Variants in RFX2 observed in about 807,000 individuals in gnomAD.
RFX2 encodes the protein regulatory factor X2, also known as DNA-binding protein RFX2.
A neutral mutation model predicts 87.8 loss-of-function variants in RFX2; 20 were observed. The observed-to-expected ratio is 0.23, with a 90% CI of 0.16 to 0.33. The LOEUF (loss-of-function observed/expected upper bound fraction) is 0.33. Ranked by LOEUF, RFX2 falls within the 10% of genes least tolerant of loss-of-function variation. RFX2 has a pLI of 1.00. For synonymous variants in RFX2, 397 were observed against 431.3 expected, an observed-to-expected ratio of 0.92 and a Z score of 0.98; for missense variants, 767 against 1,012.3, an observed-to-expected ratio of 0.76 and a Z score of 3.29.
chr19:6,062,869 G>A (rs2087457180), intron 1 of RFX2, among the ~76,000 whole-genome samples: 1 of 152,190 alleles, frequency 6.6e-6, no homozygotes. Flanking sequence ...GCAGTTCCCT[G>A]TGCGTTTAAA....
At chr19:6,087,474 G>A (rs1293304042) in intron 1 of RFX2, among the ~76,000 whole-genome samples, 2 of 152,174 alleles carry the variant, frequency 1.3e-5, no homozygotes, top group African/African-American at 2.4e-5. Flanking sequence ...GGGACTTAGA[G>A]AGAAGTGCAG....
intron 5 of RFX2, among the ~76,000 whole-genome samples, chr19:6,035,851 GT>G (rs797010077): frequency 6.0e-4 from 50 of 84,024 alleles, no homozygotes; most frequent in African/African-American, 2.4e-3. Flanking sequence ...TTGGTGGGGG[GT>G]GTGTGTGTGT....
chr19:6,006,717 T>A (rs2086587165), intron 12 of RFX2, among the ~76,000 whole-genome samples: 1 of 151,686 alleles, frequency 6.6e-6, no homozygotes, highest in Non-Finnish European at 1.5e-5. Context: ...CCCAAAGTGC[T>A]GGGATTACAG....
intron 1 of RFX2, among the ~76,000 whole-genome samples, chr19:6,093,428 T>TG (rs1279740512): frequency 6.6e-6 from 1 of 151,976 alleles, no homozygotes; most frequent in Non-Finnish European, 1.5e-5. Flanking sequence ...CCAGCTACTC[T>TG]GGAGGCTGAG....
rs2086859766 is a variant in RFX2, at chr19:6,024,496, G to GGA, written c.597+1665_597+1666dup. 6.6e-6 allele frequency among the ~76,000 whole-genome samples: 1 copy of GGA among 152,210 alleles called. No individual in the cohort carries two copies. The highest frequency in any genetic ancestry group is 2.4e-5 in the African/African-American group (1 of 41,452). On this transcript the variant is annotated intron_variant, in intron 6 of 17. Coordinates refer to ENST00000303657, the MANE Select transcript of RFX2 (RefSeq NM_000635.4). This position sits in a 1 kb window ranked among gnomAD's most constrained non-coding sequence, Gnocchi z 5.0. Reference sequence around the variant, plus strand: ...TTTTGCTTCAAGACAATCGGCAGAAGGAAATATTTCTGCCATTTCTTCTAG... The same window carrying GGA: ...TTTTGCTTCAAGACAATCGGCAGAAGGAGAAATATTTCTGCCATTTCTTCTAG...
intron 17 of RFX2, 109 bp from the exon 18 acceptor site, chr19:5,995,059 G>T: frequency 1.2e-6 from 1 of 836,888 alleles, no homozygotes; most frequent in African/African-American, 1.7e-5. Context: ...GGGCACCGAG[G>T]ATACATGGCA....
In RFX2 at chr19:5,994,948, C is replaced by T; in HGVS notation, c.2059G>A (p.Asp687Asn). The change falls in exon 18 of 18, where the codon GAC (aspartate) becomes AAC (asparagine). Residue 687 changes from aspartate (D) to asparagine (N), a missense_variant and splice_region_variant. Coordinates refer to ENST00000303657, the MANE Select transcript of RFX2 (RefSeq NM_000635.4). Reference sequence around the variant, plus strand: ...CTGCCACGCTGCTCATCGCCCATGTCATCTGCGGAGGGAGGGGTAGGGTCA... The same window carrying T: ...CTGCCACGCTGCTCATCGCCCATGTTATCTGCGGAGGGAGGGGTAGGGTCA... ...SLSLTLLDKDDMGDEQRGSEA... is the reference protein window; with the variant it reads ...SLSLTLLDKDNMGDEQRGSEA... 3 of 1,604,876 alleles carry T rather than the reference C, an allele frequency of 1.9e-6. No individual in the cohort carries two copies. The highest frequency in any genetic ancestry group is 2.5e-6 in the Non-Finnish European group (3 of 1,178,790).
intron 1 of RFX2, among the ~76,000 whole-genome samples, chr19:6,058,157 T>G (rs561171809): frequency 6.6e-6 from 1 of 152,282 alleles, no homozygotes; most frequent in East Asian, 1.9e-4. Flanking sequence ...CTGTGGACAT[T>G]GGGGACGGAT....
At chr19:6,073,036 G>A (rs1352779487) in intron 1 of RFX2, 5 of 496,422 alleles carry the variant, frequency 1.0e-5, no homozygotes, top group Non-Finnish European at 1.8e-5. Context: ...CTGCAGTGCA[G>A]TGGTGCGATC....
chr19:6,095,090 C>A (rs1365258066), intron 1 of RFX2, among the ~76,000 whole-genome samples: 1 of 151,996 alleles, frequency 6.6e-6, no homozygotes. Flanking sequence ...CCAGCCTGGG[C>A]GACAGAGCAA....
intron 1 of RFX2, among the ~76,000 whole-genome samples, chr19:6,057,992 C>A (rs987183522): frequency 6.6e-6 from 1 of 152,194 alleles, no homozygotes; most frequent in Admixed American, 6.5e-5. Flanking sequence ...CATCTCCTTG[C>A]CGAAAAGTGG....
intron 1 of RFX2, among the ~76,000 whole-genome samples, chr19:6,089,500 G>A (rs545299234): frequency 7.9e-5 from 12 of 152,252 alleles, no homozygotes; most frequent in African/African-American, 2.6e-4. Context: ...CCAATATGAC[G>A]GCATCTGGAG....
chr19:6,089,390 A>C (rs990708089), intron 1 of RFX2, among the ~76,000 whole-genome samples: 8 of 152,186 alleles, frequency 5.3e-5, no homozygotes, highest in South Asian at 2.1e-4. Flanking sequence ...GCAATGTCAC[A>C]GGGAAGGGGG....
In RFX2 at chr19:6,016,108, G is replaced by T; in HGVS notation, c.761C>A (p.Thr254Lys). Residue 254 changes from threonine (T) to lysine (K), a missense_variant, in exon 7 of 18, where the codon ACG becomes AAG. By Grantham distance (78) the Thr-to-Lys change is moderately conservative. Around this residue, in one of 2 missense-constraint regions of RFX2, gnomAD observed 621 missense variants for 873.0 expected, o/e 0.71. Coordinates refer to ENST00000303657, the MANE Select transcript of RFX2 (RefSeq NM_000635.4). The surrounding 1 kb of genome is among the most constrained non-coding windows in gnomAD (Gnocchi z 5.4). ...LIRSVFMGLR[T>K]RRLGTRGNSK... is the part of the protein sequence containing the mutation. ...TACCCACCTGGTGCCCAGCCGCCGCGTTCTCAGCCCCATAAACACAGAACG... is the reference window on the plus strand; with the variant it reads ...TACCCACCTGGTGCCCAGCCGCCGCTTTCTCAGCCCCATAAACACAGAACG... The T allele has an allele frequency of 6.2e-7, 1 of 1,608,006 alleles. No individual in the cohort carries two copies.
rs1009328792 is a variant in RFX2 at position 6,063,214 on chromosome 19, C to T, written c.-8-15710G>A. 1.3e-5 allele frequency among the ~76,000 whole-genome samples: 2 copies of T among 152,202 alleles called. No individual in the cohort carries two copies. The highest frequency in any genetic ancestry group is 4.8e-5 in the African/African-American group (2 of 41,444). ...ATGGAGTGTTTAAATGAGATGTCCACACAACCCCCAAGGACCCTCTGATTC... is the reference window on the plus strand; with the variant it reads ...ATGGAGTGTTTAAATGAGATGTCCATACAACCCCCAAGGACCCTCTGATTC... On this transcript the variant is annotated intron_variant, in intron 1 of 17. Transcript: ENST00000303657. This position sits in a 1 kb window ranked among gnomAD's most constrained non-coding sequence, Gnocchi z 4.0.
Position 6,001,776 on chromosome 19 carries a change from C to T in RFX2, c.1859+39G>A. On this transcript the variant is annotated intron_variant, in intron 15 of 17. Coordinates refer to ENST00000303657, the MANE Select transcript of RFX2 (RefSeq NM_000635.4). This position sits in a 1 kb window ranked among gnomAD's most constrained non-coding sequence, Gnocchi z 5.6. ...TCTAGAAGTTTCTCTCAGAGCCCCC[C>T]ACCCGCCAGAATTCTCTCGGAGGTC... 2.0e-6 allele frequency: 3 copies of T among 1,535,010 alleles called. No individual in the cohort carries two copies. The highest frequency in any genetic ancestry group is 2.3e-5 in the East Asian group (1 of 43,962).
rs1446858357 is a variant in RFX2, at chr19:6,010,261, G to A, written c.900-10C>T. 6.5e-7 allele frequency: 1 copy of A among 1,526,724 alleles called. No individual in the cohort carries two copies. The highest frequency in any genetic ancestry group is 1.4e-5 in the African/African-American group (1 of 72,660). The allele number at this position is 1,526,724 out of a possible 1,614,324, so 94.6% of individuals were successfully genotyped here. ...CTGGGCTGGCCGGTACCTAGGCCAG[G>A]AACACGCATACCATCATGAGGCCCA... On this transcript the variant is annotated splice_polypyrimidine_tract_variant and intron_variant, in intron 8 of 17. Transcript: ENST00000303657. This position sits in a 1 kb window ranked among gnomAD's most constrained non-coding sequence, Gnocchi z 5.0.
At chr19:6,070,612 C>T (rs1481602395) in intron 1 of RFX2, among the ~76,000 whole-genome samples, 1 of 152,082 alleles carries the variant, frequency 6.6e-6, no homozygotes, top group African/African-American at 2.4e-5. Context: ...TCCATGTGAC[C>T]AATACTTGCC....
intron 1 of RFX2, among the ~76,000 whole-genome samples, chr19:6,096,551 A>G (rs2088029652): frequency 2.0e-5 from 3 of 151,984 alleles, no homozygotes; most frequent in Admixed American, 2.0e-4. Context: ...GGTTCATGCC[A>G]TTCTCCTGCC....
Sources: allele counts gnomAD v4.1 joint callset (sites outside exome capture counted in the v4.1 genomes callset), GRCh38; gene constraint gnomAD v4.1.1; regional missense constraint gnomAD v4.1.1; non-coding constraint Gnocchi (gnomAD v3.1); transcripts MANE v1.5; gene names NCBI Gene and HGNC (gene_info 2026-07-23, HGNC 2026-07-21).